RPH3AL: variants seen among roughly 807,000 people sequenced by gnomAD.
The protein encoded by RPH3AL is rab effector Noc2.
Under a neutral mutation model 43.1 loss-of-function variants are expected in RPH3AL, and 38 were observed. That is an observed-to-expected ratio of 0.88 (90% confidence interval 0.68 to 1.15). The LOEUF (loss-of-function observed/expected upper bound fraction) is 1.15, where lower values mean the gene tolerates loss of function less well. RPH3AL is among the 50% of genes most tolerant of loss of function. The probability of loss-of-function intolerance (pLI) is 0.00; values close to 1 mark genes in which losing one functional copy is unlikely to be tolerated. For synonymous variants in RPH3AL, 189 were observed against 176.3 expected (o/e 1.07, Z -0.57); for missense variants, 462 against 423.2 (o/e 1.09, Z -0.81).
At position 213,884 on chromosome 17, in the gene RPH3AL, C is replaced by A. The variant is rs760424872; in HGVS notation, c.916G>T (p.Ala306Ser). 1.2e-6 allele frequency: 2 copies of A among 1,613,798 alleles called. No homozygotes were observed. The highest frequency in any genetic ancestry group is 4.5e-5 in the East Asian group (2 of 44,882). The part of the protein sequence containing the change: ...TPGRAPAADA[A>S]PAGPSSCLG ...AGGCAGCTGGAGGGGCCTGCTGGAGCTGCGTCAGCAGCGGGGGCTCGTCCA... is the reference window on the plus strand; with the variant it reads ...AGGCAGCTGGAGGGGCCTGCTGGAGATGCGTCAGCAGCGGGGGCTCGTCCA... The change falls in exon 10 of 10, where the codon GCT becomes TCT. Residue 306 changes from alanine (A) to serine (S), a missense_variant. By Grantham distance (99) the Ala-to-Ser change is moderately conservative. Transcript: ENST00000331302.
intron 6 of RPH3AL, among the ~76,000 whole-genome samples, chr17:268,553 G>GTTTTTTTTTTTTTTTTTTTTTT (rs5818749): frequency 2.7e-5 from 2 of 74,518 alleles, no homozygotes; most frequent in Non-Finnish European, 2.3e-5. Context: ...ATGTTTTTGG[G>GTTTTTTTTTTTTTTTTTTTTTT]TTTTTTTTTT....
chr17:248,929 C>T (rs782134569), intron 6 of RPH3AL, among the ~76,000 whole-genome samples: 8 of 152,136 alleles, frequency 5.3e-5, no homozygotes, highest in Non-Finnish European at 8.8e-5. Flanking sequence ...GGCTCCAGGG[C>T]GAAGCAACCG....
At chr17:296,870 C>T (rs144733795) in intron 5 of RPH3AL, among the ~76,000 whole-genome samples, 25 of 152,326 alleles carry the variant, frequency 1.6e-4, no homozygotes, top group African/African-American at 5.8e-4. Context: ...AAAAGGAACC[C>T]ACCAGCTCCG....
intron 6 of RPH3AL, chr17:261,783 A>C (rs1402845027): frequency 1.3e-5 from 2 of 152,230 alleles, no homozygotes; most frequent in African/African-American, 2.4e-5. Context: ...CCAGAAAAAC[A>C]CAAGTGAAAA....
At chr17:268,422 A>T (rs1281184839) in intron 6 of RPH3AL, among the ~76,000 whole-genome samples, 1 of 152,150 alleles carries the variant, frequency 6.6e-6, no homozygotes, top group Non-Finnish European at 1.5e-5. Flanking sequence ...AATATAGTAT[A>T]TAATGCATAT....
chr17:213,753 C>T lies in RPH3AL; in HGVS notation c.*99G>A, dbSNP rs76450616. ...CACTGGTTTGTTGAGTCATGGCCAA[C>T]AGGGTGTCTGGTGAGGGCACAAGGA... On this transcript the variant is annotated 3_prime_UTR_variant, in exon 10 of 10. Coordinates refer to ENST00000331302, the MANE Select transcript of RPH3AL (RefSeq NM_006987.4). 616 of 959,190 alleles carry T rather than the reference C, an allele frequency of 6.4e-4. 3 individuals carry two copies. In the East Asian group the frequency reaches 0.016, roughly 24 times the overall value. 59.4% of individuals were successfully genotyped at this position (959,190 alleles called of 1,614,324 possible). A position where few individuals can be genotyped will look rare whatever the true frequency, so the allele number is the denominator to read the frequency against.
intron 5 of RPH3AL, among the ~76,000 whole-genome samples, chr17:315,641 T>A (rs1271694045): frequency 3.9e-5 from 5 of 127,300 alleles, no homozygotes; most frequent in Admixed American, 8.3e-5. Flanking sequence ...TCCACTGACC[T>A]GTAGTCCCTG....
intron 6 of RPH3AL, among the ~76,000 whole-genome samples, chr17:263,578 T>C (rs2042250812): frequency 6.6e-6 from 1 of 152,212 alleles, no homozygotes; most frequent in Non-Finnish European, 1.5e-5. Flanking sequence ...AATTAAAATG[T>C]AACAGATTGG....
intron 1 of RPH3AL, among the ~76,000 whole-genome samples, chr17:342,843 C>A (rs1242473910): frequency 2.0e-5 from 3 of 152,084 alleles, no homozygotes; most frequent in Admixed American, 6.6e-5. Context: ...TTAATTTATT[C>A]TCCTCATAGA....
At chr17:275,721 A>AT (rs980571732) in intron 6 of RPH3AL, among the ~76,000 whole-genome samples, 1 of 152,096 alleles carries the variant, frequency 6.6e-6, no homozygotes, top group African/African-American at 2.4e-5. Flanking sequence ...TAATGTGGGG[A>AT]TTTTTTGTAG....
At chr17:330,470 A>G (rs557629486) in intron 2 of RPH3AL, among the ~76,000 whole-genome samples, 2 of 152,366 alleles carry the variant, frequency 1.3e-5, no homozygotes. Flanking sequence ...GCCCCATCCC[A>G]GCCTTTAGAG....
At chr17:338,056 T>C (rs538306780) in intron 1 of RPH3AL, among the ~76,000 whole-genome samples, 3 of 152,344 alleles carry the variant, frequency 2.0e-5, no homozygotes, top group South Asian at 4.1e-4. Flanking sequence ...CAGCCACAGC[T>C]CTGCCTACGT....
At position 274,554 on chromosome 17, in the gene RPH3AL, G is replaced by C. The variant is rs1176602651; in HGVS notation, c.438+7214C>G. The stretch of plus-strand genomic sequence containing the variant: ...TATTTCCTGAAGCAAGGCTGCATCT[G>C]GGAGAGCAGGGAGAGCAGGAAGAGC... On this transcript the variant is annotated intron_variant, in intron 6 of 9. Transcript: ENST00000331302. The surrounding 1 kb of genome is among the most constrained non-coding windows in gnomAD (Gnocchi z 4.7). Among the ~76,000 whole-genome samples the C allele has an allele frequency of 6.6e-6, 1 of 152,248 alleles. No individual in the cohort carries two copies. Among genetic ancestry groups the C allele is most frequent in the African/African-American group, 2.4e-5 (1 of 41,462 alleles).
At chr17:223,941 A>G (rs1447739827) in intron 7 of RPH3AL, among the ~76,000 whole-genome samples, 1 of 151,050 alleles carries the variant, frequency 6.6e-6, no homozygotes, top group Admixed American at 6.6e-5. Flanking sequence ...CACCCCCAGC[A>G]GAGAGGCCAG....
chr17:293,960 G>A (rs2043108914), intron 5 of RPH3AL, among the ~76,000 whole-genome samples: 1 of 151,958 alleles, frequency 6.6e-6, no homozygotes, highest in South Asian at 2.1e-4. Context: ...ACCAGAAGTC[G>A]GAAGTTGCAG....
chr17:269,559 G>A lies in RPH3AL; in HGVS notation c.438+12209C>T, dbSNP rs141218901. Among the ~76,000 whole-genome samples, 378 of 152,298 alleles carry A rather than the reference G, an allele frequency of 2.5e-3. 3 individuals are homozygous for A. The highest frequency in any genetic ancestry group is 8.6e-3 in the African/African-American group (358 of 41,562). The stretch of plus-strand genomic sequence containing the variant: ...AGGTGTTCTGGAGGAAGACGCATCC[G>A]GCTTCATCCCTGGCACCATCAATTA... On this transcript the variant is annotated intron_variant, in intron 6 of 9. Transcript: ENST00000331302.
chr17:301,382 T>C (rs1443878733), intron 5 of RPH3AL, among the ~76,000 whole-genome samples: 5 of 152,208 alleles, frequency 3.3e-5, no homozygotes, highest in East Asian at 1.9e-4. Flanking sequence ...CGGCTCACTG[T>C]AGCTTTAACC....
At chr17:311,606 C>G (rs1224763764) in intron 5 of RPH3AL, among the ~76,000 whole-genome samples, 1 of 152,162 alleles carries the variant, frequency 6.6e-6, no homozygotes, top group Admixed American at 6.5e-5. Context: ...TTTTTGGATC[C>G]CCCCAACCCA....
intron 5 of RPH3AL, among the ~76,000 whole-genome samples, chr17:316,607 C>G (rs1479203303): frequency 7.1e-6 from 1 of 141,154 alleles, no homozygotes; most frequent in African/African-American, 2.8e-5. Flanking sequence ...TGCTCCACTT[C>G]CATTGACTTG....
Sources: allele counts gnomAD v4.1 joint callset (sites outside exome capture counted in the v4.1 genomes callset), GRCh38; gene constraint gnomAD v4.1.1; non-coding constraint Gnocchi (gnomAD v3.1); transcripts MANE v1.5; gene names NCBI Gene and HGNC (gene_info 2026-07-23, HGNC 2026-07-21).